A4GALT: variants seen among roughly 807,000 people sequenced by gnomAD.
A4GALT encodes the protein alpha 1,4-galactosyltransferase (P1PK blood group).
For synonymous variants in A4GALT, 257 were observed against 220.7 expected, an observed-to-expected ratio of 1.16 and a Z score of -1.46; for missense variants, 512 against 486.0, an observed-to-expected ratio of 1.05 and a Z score of -0.50.
At chr22:42,700,832 T>C (rs568764343) in intron 1 of A4GALT, among the ~76,000 whole-genome samples, 16 of 152,360 alleles carry the variant, frequency 1.1e-4, no homozygotes, top group Non-Finnish European at 1.9e-4. Flanking sequence ...CATCGCATTA[T>C]AGGCCTTTCC....
Position 42,705,783 on chromosome 22 carries a change from G to A in A4GALT, c.-187-10152C>T, listed in dbSNP as rs1202242400. On this transcript the variant is annotated intron_variant, in intron 1 of 2. Coordinates refer to ENST00000642412, the MANE Select transcript of A4GALT (RefSeq NM_017436.7). ...TTTAATAGGCCGAGGCTGGCAGATCGTTTGAGGTCTGGAGTTGGAGACCAG... is the reference window on the plus strand; with the variant it reads ...TTTAATAGGCCGAGGCTGGCAGATCATTTGAGGTCTGGAGTTGGAGACCAG... Among the ~76,000 whole-genome samples the A allele has an allele frequency of 7.5e-5, 9 of 119,780 alleles. 2 individuals carry two copies. In the South Asian group the frequency reaches 1.0e-3, roughly 13 times the overall value. The allele number at this position is 119,780 out of a possible 152,430, so 78.6% of individuals were successfully genotyped here.
intron 1 of A4GALT, among the ~76,000 whole-genome samples, chr22:42,700,076 G>A (rs747577447): frequency 6.6e-6 from 1 of 152,238 alleles, no homozygotes; most frequent in Non-Finnish European, 1.5e-5. Context: ...CTGGGGATGG[G>A]CTGCTCCCGA....
At position 42,692,926 on chromosome 22, in the gene A4GALT, G is replaced by T; in HGVS notation, c.1026C>A (p.Cys342Ter). The T allele has an allele frequency of 6.2e-7, 1 of 1,608,472 alleles. No homozygotes were observed. Reference sequence around the variant, plus strand: ...TTTTCATGGCCTCGTGCGTCGTGGGGCAGTAGCGGGCATGCAGCTGGGCCA... The same window carrying T: ...TTTTCATGGCCTCGTGCGTCGTGGGTCAGTAGCGGGCATGCAGCTGGGCCA... Reference protein sequence around the residue: ...ALLAQLHARYCPTTHEAMKMY... With the variant: ...ALLAQLHARY Residue 342 changes from cysteine (C) to a stop codon, truncating the protein, a stop_gained, in exon 3 of 3, where the codon TGC becomes TGA. Transcript: ENST00000642412. LOFTEE classifies it high-confidence loss of function. This position sits in a 1 kb window ranked among gnomAD's most constrained non-coding sequence, Gnocchi z 4.6.
At chr22:42,700,965 T>C (rs1356540223) in intron 1 of A4GALT, among the ~76,000 whole-genome samples, 2 of 152,278 alleles carry the variant, frequency 1.3e-5, no homozygotes, top group East Asian at 1.9e-4. Context: ...CGTAGCATGC[T>C]CTTTATCATG....
At chr22:42,714,975 A>T (rs549211109) in intron 1 of A4GALT, among the ~76,000 whole-genome samples, 1 of 149,976 alleles carries the variant, frequency 6.7e-6, no homozygotes, top group Non-Finnish European at 1.5e-5. Context: ...GGGAGGAGGA[A>T]GATCAGGGAT....
In A4GALT at chr22:42,692,488, AC is replaced by A. The variant is rs1309215123; in HGVS notation, c.*401del. On this transcript the variant is annotated 3_prime_UTR_variant, in exon 3 of 3. Transcript: ENST00000642412. This position sits in a 1 kb window ranked among gnomAD's most constrained non-coding sequence, Gnocchi z 4.6. ...CCCCAGCCCTGCCACTTTCCTACCAACAGCCTCCTCTCCTCTCTGGGAATCT... is the reference window on the plus strand; with the variant it reads ...CCCCAGCCCTGCCACTTTCCTACCAAAGCCTCCTCTCCTCTCTGGGAATCT... 2.8e-6 allele frequency: 1 copy of A among 363,006 alleles called. No homozygotes were observed. Among genetic ancestry groups the A allele is most frequent in the Non-Finnish European group, 5.5e-6 (1 of 182,968 alleles). The allele number at this position is 363,006 out of a possible 1,614,324, so 22.5% of individuals were successfully genotyped here.
intron 1 of A4GALT, among the ~76,000 whole-genome samples, chr22:42,704,793 G>A (rs1920965361): frequency 7.0e-6 from 1 of 142,626 alleles, no homozygotes; most frequent in Non-Finnish European, 1.5e-5. Flanking sequence ...GAGAAACTAA[G>A]AGGCAGGGAA....
chr22:42,706,157 C>T (rs1350601641), intron 1 of A4GALT, among the ~76,000 whole-genome samples: 2 of 71,914 alleles, frequency 2.8e-5, no homozygotes, highest in African/African-American at 6.9e-5. Context: ...AGATCGAGAC[C>T]ATCCTGGCTA....
chr22:42,719,907 G>A (rs143188011), intron 1 of A4GALT, among the ~76,000 whole-genome samples: 2 of 152,208 alleles, frequency 1.3e-5, no homozygotes, highest in Non-Finnish European at 2.9e-5. Flanking sequence ...TGTCGTGAGG[G>A]AAAGGTGGGT....
intron 1 of A4GALT, among the ~76,000 whole-genome samples, chr22:42,713,862 C>A (rs1005360311): frequency 9.3e-5 from 14 of 150,552 alleles, no homozygotes; most frequent in African/African-American, 3.2e-4. Context: ...ACATCAGGTG[C>A]TGACTGGGCG....
chr22:42,717,132 T>C (rs1922260988), intron 1 of A4GALT, among the ~76,000 whole-genome samples: 1 of 152,134 alleles, frequency 6.6e-6, no homozygotes, highest in South Asian at 2.1e-4. Context: ...ACTGCACAGC[T>C]GGAAGCTCCT....
chr22:42,702,710 TG>T (rs1342129082), intron 1 of A4GALT, among the ~76,000 whole-genome samples: 1 of 144,964 alleles, frequency 6.9e-6, no homozygotes, highest in East Asian at 1.9e-4. Context: ...TCACTGGAAC[TG>T]GGTGGTTTTG....
intron 1 of A4GALT, among the ~76,000 whole-genome samples, chr22:42,719,248 C>G (rs9623672): frequency 0.21 from 31,598 of 152,188 alleles, 3,933 homozygotes; most frequent in East Asian, 0.61. Context: ...ACTGAGCTGT[C>G]CTAGCAGACA....
intron 1 of A4GALT, among the ~76,000 whole-genome samples, chr22:42,705,881 C>T (rs893014622): frequency 8.3e-6 from 1 of 120,898 alleles, no homozygotes; most frequent in African/African-American, 2.7e-5. Flanking sequence ...TGGTGAAACC[C>T]TGTATCTACT....
At chr22:42,705,104 C>A (rs1012794841) in intron 1 of A4GALT, among the ~76,000 whole-genome samples, 34 of 152,268 alleles carry the variant, frequency 2.2e-4, no homozygotes, top group South Asian at 1.0e-3. Context: ...ACCATGGCAA[C>A]AGAGGAGGGA....
intron 1 of A4GALT, among the ~76,000 whole-genome samples, chr22:42,720,443 G>A (rs1305263534): frequency 6.6e-6 from 1 of 152,122 alleles, no homozygotes; most frequent in African/African-American, 2.4e-5. Flanking sequence ...GGCAGAGCCT[G>A]CCTCGAACCC....
At chr22:42,707,303 T>G (rs2147010939) in intron 1 of A4GALT, among the ~76,000 whole-genome samples, 1 of 152,268 alleles carries the variant, frequency 6.6e-6, no homozygotes, top group South Asian at 2.1e-4. Flanking sequence ...AGAAATTAAT[T>G]TAAAAATCGG....
At chr22:42,719,556 C>T (rs1922503649) in intron 1 of A4GALT, among the ~76,000 whole-genome samples, 1 of 151,972 alleles carries the variant, frequency 6.6e-6, no homozygotes, top group South Asian at 2.1e-4. Flanking sequence ...ATTTGGGGAC[C>T]CTCTTTTGGG....
At chr22:42,713,282 A>G (rs1451250689) in intron 1 of A4GALT, among the ~76,000 whole-genome samples, 1 of 152,188 alleles carries the variant, frequency 6.6e-6, no homozygotes, top group Non-Finnish European at 1.5e-5. Context: ...TCAGGAGGTG[A>G]CAATTCACAG....
Sources: allele counts gnomAD v4.1 joint callset (sites outside exome capture counted in the v4.1 genomes callset), GRCh38; gene constraint gnomAD v4.1.1; non-coding constraint Gnocchi (gnomAD v3.1); transcripts MANE v1.5; gene names NCBI Gene and HGNC (gene_info 2026-07-23, HGNC 2026-07-21).